Variants in DIPK1B observed in about 807,000 individuals in gnomAD.
DIPK1B encodes the protein family with sequence similarity 69 member B.
Under a neutral mutation model 20.7 loss-of-function variants are expected in DIPK1B, and 17 were observed. The observed-to-expected ratio is 0.82, with a 90% CI of 0.56 to 1.23. DIPK1B has a LOEUF of 1.23. Among genes scored for constraint, DIPK1B ranks in the 50% most tolerant of loss-of-function variants. The pLI, the probability that DIPK1B is intolerant of heterozygous loss-of-function variation, is 0.00. For synonymous variants in DIPK1B, 343 were observed against 276.5 expected, an observed-to-expected ratio of 1.24 and a Z score of -2.39; for missense variants, 648 against 601.8, an observed-to-expected ratio of 1.08 and a Z score of -0.80.
At chr9:136,718,993 AG>A (rs1434572767) in intron 2 of DIPK1B, among the ~76,000 whole-genome samples, 2 of 152,090 alleles carry the variant, frequency 1.3e-5, no homozygotes, top group East Asian at 1.9e-4. Flanking sequence ...CTTGAAGTCC[AG>A]GGGGCCTCTG....
At position 136,721,895 on chromosome 9, in the gene DIPK1B, C is replaced by T. The variant is rs371818724; in HGVS notation, c.199-26C>T. 8.5e-5 allele frequency: 137 copies of T among 1,606,676 alleles called. No individual in the cohort carries two copies. In the African/African-American group the frequency reaches 8.8e-4, roughly 10 times the overall value. ...GGGGCAGGGGTGTGGCTGCCCCGCC[C>T]GGCACGCCTGCACCTGTCTCCTCAG... is the stretch of plus-strand genomic sequence containing the variant. On this transcript the variant is annotated intron_variant, in intron 2 of 4. Transcript: ENST00000371692.
Position 136,722,479 on chromosome 9 carries a change from A to C in DIPK1B, c.483+178A>C, listed in dbSNP as rs1588285805. On this transcript the variant is annotated intron_variant, in intron 4 of 4. Transcript: ENST00000371692. ...GCCCTGCCAGGGAAGGAGCCTCTCC[A>C]GGGCTGGGGGCAAGGGTTGGGGGCG... The C allele has an allele frequency of 4.5e-5, 36 of 792,900 alleles. No homozygotes were observed. In the East Asian group the frequency reaches 9.7e-4, roughly 21 times the overall value. 49.1% of individuals were successfully genotyped at this position (792,900 alleles called of 1,614,324 possible).
rs148821284 is a variant in DIPK1B at position 136,723,693 on chromosome 9, G to A, written c.1215G>A (p.Gln405=). The change falls in exon 5 of 5, where the codon CAG becomes CAA. Residue 405 remains glutamine (Q), a synonymous_variant. Transcript: ENST00000371692. ...CCACGCTGAGCGGGCTGGCCAGCCA[G>A]GTGGAGGCCCATCACTCGCTGGTGC... The part of the protein sequence containing the change: ...TCTTLSGLAS[Q]VEAHHSLVLS... 2 of 1,540,380 alleles carry A rather than the reference G, an allele frequency of 1.3e-6. No individual in the cohort carries two copies. Among genetic ancestry groups the A allele is most frequent in the Non-Finnish European group, 1.7e-6 (2 of 1,147,626 alleles).
intron 1 of DIPK1B, among the ~76,000 whole-genome samples, chr9:136,717,036 C>T (rs1846506941): frequency 6.6e-6 from 1 of 152,058 alleles, no homozygotes; most frequent in African/African-American, 2.4e-5. Flanking sequence ...CAAGACCAGC[C>T]TAGTCAACAT....
intron 1 of DIPK1B, among the ~76,000 whole-genome samples, chr9:136,716,848 T>C (rs895889161): frequency 6.6e-6 from 1 of 152,326 alleles, no homozygotes; most frequent in South Asian, 2.1e-4. Flanking sequence ...ATAGGGGCAG[T>C]GTCTCTCGCG....
Position 136,717,730 on chromosome 9 carries a change from G to C in DIPK1B, c.198+19G>C. On this transcript the variant is annotated intron_variant, in intron 2 of 4. Coordinates refer to ENST00000371692, the MANE Select transcript of DIPK1B (RefSeq NM_152421.4). ...GGTCATTGTAAGTGTTGCTTGTGCG[G>C]GCTGGGGACTGGGCCGTGCCCCCTG... 1.2e-6 allele frequency: 2 copies of C among 1,610,364 alleles called. No homozygotes were observed. Among genetic ancestry groups the C allele is most frequent in the Non-Finnish European group, 1.7e-6 (2 of 1,179,882 alleles).
intron 1 of DIPK1B, among the ~76,000 whole-genome samples, chr9:136,716,735 G>A (rs1292189355): frequency 1.3e-5 from 2 of 152,116 alleles, no homozygotes; most frequent in African/African-American, 4.8e-5. Context: ...GGATGTGGCT[G>A]CGTTGGGCTC....
chr9:136,723,886 C>A lies in DIPK1B; in HGVS notation c.*112C>A. ...GTGAAATGCAACTGTGTTGCAAAAT[C>A]ACTCCCCTACCGTCAGGGCTCTGGA... On this transcript the variant is annotated 3_prime_UTR_variant, in exon 5 of 5. Coordinates refer to ENST00000371692, the MANE Select transcript of DIPK1B (RefSeq NM_152421.4). 9.0e-7 allele frequency: 1 copy of A among 1,105,948 alleles called. No homozygotes were observed. The highest frequency in any genetic ancestry group is 1.3e-6 in the Non-Finnish European group (1 of 787,584). 68.5% of individuals were successfully genotyped at this position (1,105,948 alleles called of 1,614,324 possible).
rs779911398 is a variant in DIPK1B at position 136,723,525 on chromosome 9, G to A, written c.1047G>A (p.Pro349=). The change falls in exon 5 of 5, where the codon CCG becomes CCA. Residue 349 remains proline (P), a synonymous_variant. Transcript: ENST00000371692. ...CCTACGGGCGCGACTGCAGGGCCCC[G>A]TGTGACAGGCTCATGAGGCAGTGCA... ...DCTYGRDCRA[P]CDRLMRQCKG... 24 of 1,600,400 alleles carry A rather than the reference G, an allele frequency of 1.5e-5. 1 individual carries two copies. Among genetic ancestry groups the A allele is most frequent in the Middle Eastern group, 3.3e-4 (2 of 6,070 alleles).
chr9:136,717,019 C>T (rs184696571), intron 1 of DIPK1B, among the ~76,000 whole-genome samples: 2 of 151,934 alleles, frequency 1.3e-5, no homozygotes, highest in East Asian at 3.9e-4. Context: ...ACCTGAGGTC[C>T]GGAGTTCAAG....
At chr9:136,722,645 C>A in intron 4 of DIPK1B, 2 of 564,488 alleles carry the variant, frequency 3.5e-6, no homozygotes, top group Non-Finnish European at 6.3e-6. Context: ...GTGCCCTCTG[C>A]CCTGTGCCGA....
Position 136,716,413 on chromosome 9 carries a change from G to A in DIPK1B, c.64-1164G>A, listed in dbSNP as rs575091972. On this transcript the variant is annotated intron_variant, in intron 1 of 4. Coordinates refer to ENST00000371692, the MANE Select transcript of DIPK1B (RefSeq NM_152421.4). ...CTCCCAAGTAGCTGGGACTACAGGC[G>A]TGAGTCACCATGTCCAGCTAATTTT... Among the ~76,000 whole-genome samples the A allele has an allele frequency of 2.2e-4, 34 of 151,590 alleles. No individual in the cohort carries two copies. The South Asian group carries it at 4.2e-3, about 19-fold the overall frequency.
chr9:136,719,371 C>G (rs1412999028), intron 2 of DIPK1B, among the ~76,000 whole-genome samples: 2 of 152,190 alleles, frequency 1.3e-5, no homozygotes, highest in South Asian at 2.1e-4. Flanking sequence ...CGAAGCCACC[C>G]CAGGGGCCAT....
chr9:136,723,093 G>C lies in DIPK1B; in HGVS notation c.615G>C (p.Glu205Asp). The C allele has an allele frequency of 6.2e-7, 1 of 1,613,622 alleles. No homozygotes were observed. Residue 205 changes from glutamate to aspartate, a missense_variant, in exon 5 of 5, where the codon GAG becomes GAC. Transcript: ENST00000371692. ...TGTGGGCCCTGCTGCAGCGTAACGA[G>C]TTCCTGCTGCTGCTGTCCCTGCAGG... is the stretch of plus-strand genomic sequence containing the variant. ...KSVWALLQRNEFLLLLSLQEK... is the reference protein window; with the variant it reads ...KSVWALLQRNDFLLLLSLQEK...
Position 136,722,144 on chromosome 9 carries a change from G to C in DIPK1B, c.326G>C (p.Arg109Pro). ...GTCCAGGTGTACAGCGGGCTCTGGC[G>C]GGACAAGGATGTAACCATCAAGTGT... ...PGQQVYSGLW[R>P]DKDVTIKCGI... Residue 109 changes from arginine to proline, a missense_variant, in exon 4 of 5, where the codon CGG (arginine) becomes CCG (proline). Transcript: ENST00000371692. The C allele has an allele frequency of 6.2e-7, 1 of 1,614,016 alleles. No individual in the cohort carries two copies. The highest frequency in any genetic ancestry group is 8.5e-7 in the Non-Finnish European group (1 of 1,179,990).
chr9:136,718,932 C>A (rs1846546274), intron 2 of DIPK1B, among the ~76,000 whole-genome samples: 1 of 152,136 alleles, frequency 6.6e-6, no homozygotes, highest in Admixed American at 6.5e-5. Context: ...GTTTGGAGCC[C>A]ATGCCAGCCC....
In DIPK1B at chr9:136,722,218, C is replaced by A. The variant is rs527273946; in HGVS notation, c.400C>A (p.Arg134=). Residue 134 remains arginine (R), a synonymous_variant, in exon 4 of 5, where the codon CGG becomes AGG. Coordinates refer to ENST00000371692, the MANE Select transcript of DIPK1B (RefSeq NM_152421.4). ...DSKARSDAAP[R]RELVLFDKPT... is the part of the protein sequence containing the mutation. ...CAAGGCCCGGTCGGATGCGGCCCCC[C>A]GGCGGGAGCTGGTACTGTTTGACAA... 5 of 1,613,848 alleles carry A rather than the reference C, an allele frequency of 3.1e-6. No homozygotes were observed. Among genetic ancestry groups the A allele is most frequent in the Non-Finnish European group, 4.2e-6 (5 of 1,180,012 alleles).
At chr9:136,718,724 C>T (rs1172181481) in intron 2 of DIPK1B, among the ~76,000 whole-genome samples, 6 of 152,196 alleles carry the variant, frequency 3.9e-5, no homozygotes, top group East Asian at 1.9e-4. Flanking sequence ...ACCCCAGGTT[C>T]GGTGTCTCCT....
intron 1 of DIPK1B, among the ~76,000 whole-genome samples, chr9:136,715,434 G>A (rs2131039920): frequency 6.6e-6 from 1 of 152,306 alleles, no homozygotes; most frequent in South Asian, 2.1e-4. Context: ...GAGGATGGCA[G>A]AGTGACCTGG....
Sources: allele counts gnomAD v4.1 joint callset (sites outside exome capture counted in the v4.1 genomes callset), GRCh38; gene constraint gnomAD v4.1.1; transcripts MANE v1.5; gene names NCBI Gene and HGNC (gene_info 2026-07-23, HGNC 2026-07-21).